The following VWDE variants were observed in gnomAD, a reference collection of about 807,000 sequenced individuals.
VWDE encodes the protein von Willebrand factor D and EGF domains.
In VWDE, 207 loss-of-function variants were observed where a neutral mutation model predicts 178.4. That is an observed-to-expected ratio of 1.16 (90% CI 1.04 to 1.30). VWDE has a LOEUF of 1.30. Among genes scored for constraint, VWDE ranks in the 50% most tolerant of loss-of-function variants. The probability of loss-of-function intolerance (pLI) is 0.00; values close to 1 mark genes in which losing one functional copy is unlikely to be tolerated. For missense variants in VWDE, 2,287 were observed against 1,901.3 expected (o/e 1.20, Z -3.77); for synonymous variants, 738 against 651.4 (o/e 1.13, Z -2.02).
chr7:12,340,852 A>G (rs537854323), intron 23 of VWDE, among the ~76,000 whole-genome samples: 4 of 152,156 alleles, frequency 2.6e-5, no homozygotes, highest in African/African-American at 9.7e-5. Context: ...AGCCATGCAC[A>G]CCTCTTTATC....
chr7:12,370,456 G>A lies in VWDE; in HGVS notation c.1850C>T (p.Pro617Leu). 6.5e-7 allele frequency: 1 copy of A among 1,542,798 alleles called. No individual in the cohort carries two copies. The highest frequency in any genetic ancestry group is 2.4e-5 in the East Asian group (1 of 40,888). The part of the protein sequence containing the change: ...SDTLPVSMTS[P>L]GKPSYCSCSL... The stretch of plus-strand genomic sequence containing the variant: ...ACAGCTACAATAGGATGGCTTTCCA[G>A]GTGATGTCATAGAAACTGGCAGTGT... The change falls in exon 12 of 29, where the codon CCT becomes CTT. Residue 617 changes from proline to leucine, a missense_variant. By Grantham distance (98) the Pro-to-Leu change is moderately conservative (BLOSUM62 -3). Coordinates refer to ENST00000275358, the MANE Select transcript of VWDE (RefSeq NM_001135924.3).
intron 13 of VWDE, among the ~76,000 whole-genome samples, chr7:12,364,849 C>T (rs12699365): frequency 6.6e-6 from 1 of 151,914 alleles, no homozygotes; most frequent in South Asian, 2.1e-4. Flanking sequence ...AAGGGAAAAA[C>T]AGGGAGCTTA....
At chr7:12,386,813 T>C (rs753720841) in intron 3 of VWDE, among the ~76,000 whole-genome samples, 4 of 152,192 alleles carry the variant, frequency 2.6e-5, no homozygotes, top group Non-Finnish European at 5.9e-5. Context: ...TATAATTGCA[T>C]GAATACTCTG....
intron 23 of VWDE, among the ~76,000 whole-genome samples, chr7:12,341,783 T>G (rs944264192): frequency 5.9e-5 from 9 of 152,290 alleles, no homozygotes; most frequent in African/African-American, 2.2e-4. Flanking sequence ...AACACGTTTC[T>G]CTTCACCACA....
At chr7:12,335,897 T>A (rs1016971798) in intron 27 of VWDE, among the ~76,000 whole-genome samples, 1 of 152,248 alleles carries the variant, frequency 6.6e-6, no homozygotes, top group African/African-American at 2.4e-5. Context: ...TTATTGGTAA[T>A]CCACAGACCA....
At position 12,331,200 on chromosome 7, in the gene VWDE, G is replaced by A. The variant is rs1261353686; in HGVS notation, c.4759-3C>T. Reference sequence around the variant, plus strand: ...GATGCTACTCAATGGCGTCTTATCTGTAGTAGGAAGAAGGAAATTGTGTTT... The same window carrying A: ...GATGCTACTCAATGGCGTCTTATCTATAGTAGGAAGAAGGAAATTGTGTTT... On this transcript the variant is annotated splice_region_variant and splice_polypyrimidine_tract_variant and intron_variant, in intron 28 of 28. Coordinates refer to ENST00000275358, the MANE Select transcript of VWDE (RefSeq NM_001135924.3). The A allele has an allele frequency of 6.5e-7, 1 of 1,540,164 alleles. No homozygotes were observed. The highest frequency in any genetic ancestry group is 8.8e-7 in the Non-Finnish European group (1 of 1,138,818).
chr7:12,357,599 A>G lies in VWDE; in HGVS notation c.3275-84T>C, dbSNP rs3801367. 18 of 1,435,400 alleles carry G rather than the reference A, an allele frequency of 1.3e-5. No homozygotes were observed. In the East Asian group the frequency reaches 4.5e-4, roughly 36 times the overall value. The allele number at this position is 1,435,400 out of a possible 1,614,324, so 88.9% of individuals were successfully genotyped here. A position where few individuals can be genotyped will look rare whatever the true frequency, so the allele number is the denominator to read the frequency against. On this transcript the variant is annotated intron_variant, in intron 16 of 28. Coordinates refer to ENST00000275358, the MANE Select transcript of VWDE (RefSeq NM_001135924.3). ...TCTGAGAGCTCCCACAGAGATATGC[A>G]TTTTGATAAAGACTGAACTCTGCTA...
At chr7:12,342,378 T>C (rs1781381258) in intron 22 of VWDE, among the ~76,000 whole-genome samples, 1 of 152,148 alleles carries the variant, frequency 6.6e-6, no homozygotes, top group South Asian at 2.1e-4. Flanking sequence ...TAGAAAACCA[T>C]TGAGCCAAGT....
intron 2 of VWDE, among the ~76,000 whole-genome samples, chr7:12,391,026 T>C (rs1784360902): frequency 6.6e-6 from 1 of 152,190 alleles, no homozygotes; most frequent in African/African-American, 2.4e-5. Flanking sequence ...ATGTATGACA[T>C]AATATTATTT....
Position 12,351,608 on chromosome 7 carries a change from T to C in VWDE, c.3851A>G (p.Lys1284Arg), listed in dbSNP as rs1339640246. The change falls in exon 19 of 29, where the codon AAG (lysine) becomes AGG (arginine). Residue 1284 changes from lysine (K) to arginine (R), a missense_variant. Transcript: ENST00000275358. The part of the protein sequence containing the change: ...EEDDKNAQGR[K>R]RHVKPTSGNA... ...TCCACTTGTTGGCTTAACATGCCTC[T>C]TTCTCCCTTGGGCATTTTTATCATC... 1 of 1,549,984 alleles carries C rather than the reference T, an allele frequency of 6.5e-7. No homozygotes were observed. Among genetic ancestry groups the C allele is most frequent in the South Asian group, 1.2e-5 (1 of 83,792 alleles).
intron 2 of VWDE, among the ~76,000 whole-genome samples, chr7:12,389,612 C>A (rs1489694267): frequency 6.6e-6 from 1 of 152,124 alleles, no homozygotes; most frequent in Non-Finnish European, 1.5e-5. Flanking sequence ...CCATTCATTA[C>A]ATTTGTATTG....
intron 16 of VWDE, 144 bp downstream of exon 16, chr7:12,359,434 T>G (rs1332719173): frequency 9.1e-6 from 5 of 547,620 alleles, no homozygotes; most frequent in South Asian, 8.1e-5. Flanking sequence ...TCCTATACCC[T>G]CAACGTAAAT....
chr7:12,367,619 G>A, intron 12 of VWDE, 126 bp from the exon 13 acceptor site: 1 of 740,806 alleles, frequency 1.3e-6, no homozygotes, highest in East Asian at 3.0e-5. Flanking sequence ...CTAAAATGCT[G>A]CTTACAACAC....
intron 19 of VWDE, among the ~76,000 whole-genome samples, chr7:12,345,065 TC>T (rs1260067124): frequency 6.6e-6 from 1 of 152,146 alleles, no homozygotes; most frequent in African/African-American, 2.4e-5. Flanking sequence ...TTTGTGGGGT[TC>T]ATGTGGATAA....
intron 19 of VWDE, among the ~76,000 whole-genome samples, chr7:12,348,831 G>A (rs924944541): frequency 4.6e-5 from 7 of 151,382 alleles, no homozygotes; most frequent in Admixed American, 1.3e-4. Flanking sequence ...CAACCCAAAT[G>A]TCCAACAACG....
rs1783955283 is a variant in VWDE, at chr7:12,383,508, TA to T, written c.541+27del. 24 of 1,533,480 alleles carry T rather than the reference TA, an allele frequency of 1.6e-5. No individual in the cohort carries two copies. In the South Asian group the frequency reaches 2.6e-4, roughly 17 times the overall value. 95.0% of individuals were successfully genotyped at this position (1,533,480 alleles called of 1,614,324 possible). A position where few individuals can be genotyped will look rare whatever the true frequency, so the allele number is the denominator to read the frequency against. On this transcript the variant is annotated intron_variant, in intron 4 of 28. Transcript: ENST00000275358. Reference sequence around the variant, plus strand: ...GAAATAGTCTAGTTTATAAAAACACTATTAAAAAAGCAAAATATGATACTTA... The same window carrying T: ...GAAATAGTCTAGTTTATAAAAACACTTTAAAAAAGCAAAATATGATACTTA...
At chr7:12,339,590 G>T (rs1282954853) in intron 24 of VWDE, among the ~76,000 whole-genome samples, 1 of 152,024 alleles carries the variant, frequency 6.6e-6, no homozygotes, top group Admixed American at 6.6e-5. Context: ...AAAAGAAATA[G>T]AATTGCAAAT....
intron 19 of VWDE, among the ~76,000 whole-genome samples, chr7:12,344,742 A>G (rs1781509797): frequency 6.6e-6 from 1 of 152,214 alleles, no homozygotes; most frequent in African/African-American, 2.4e-5. Context: ...GATTTTCATC[A>G]GAGAAAACAA....
chr7:12,371,665 CAA>C (rs1783207460), intron 10 of VWDE, among the ~76,000 whole-genome samples: 1 of 152,110 alleles, frequency 6.6e-6, no homozygotes, highest in East Asian at 1.9e-4. Flanking sequence ...TTTTACTTTC[CAA>C]ACCAACTTAA....
Sources: gnomAD v4.1 joint callset for allele counts (sites outside exome capture counted in the v4.1 genomes callset) on GRCh38, gnomAD v4.1.1 for gene constraint, MANE v1.5 for transcripts, NCBI Gene and HGNC (gene_info 2026-07-23, HGNC 2026-07-21) for gene names.